Variants in KANK1 observed in about 807,000 individuals in gnomAD.
KANK1 encodes KN motif and ankyrin repeat domains 1, also known as KN motif and ankyrin repeat domain-containing protein 1.
In KANK1, 109 loss-of-function variants were observed where a neutral mutation model predicts 106.2. The ratio of observed to expected loss-of-function variants is 1.03; its 90% CI spans 0.88 to 1.20. The LOEUF (loss-of-function observed/expected upper bound fraction) is 1.20. Among genes scored for constraint, KANK1 ranks in the 50% most tolerant of loss-of-function variants. The probability of loss-of-function intolerance (pLI) is 0.00; values close to 1 mark genes in which losing one functional copy is unlikely to be tolerated. For missense variants in KANK1, 2,399 were observed against 1,710.7 expected (o/e 1.40, Z -7.10); for synonymous variants, 873 against 652.2 (o/e 1.34, Z -5.16).
intron 3 of KANK1, among the ~76,000 whole-genome samples, chr9:715,806 A>T (rs1324734864): frequency 1.3e-5 from 2 of 152,186 alleles, no homozygotes; most frequent in Non-Finnish European, 1.5e-5. Flanking sequence ...TCTAATGAGG[A>T]ATTAATTAGG....
intron 1 of KANK1, among the ~76,000 whole-genome samples, chr9:612,859 C>T (rs981864626): frequency 6.6e-6 from 1 of 152,086 alleles, no homozygotes; most frequent in South Asian, 2.1e-4. Context: ...TAGTAAGAGA[C>T]CCTAAGAGTC....
At chr9:543,057 G>C (rs1008985210) in intron 1 of KANK1, among the ~76,000 whole-genome samples, 1 of 151,980 alleles carries the variant, frequency 6.6e-6, no homozygotes, top group Non-Finnish European at 1.5e-5. Flanking sequence ...GTGCGAGGTG[G>C]GTATGTTAAT....
chr9:554,428 C>CATCCATAT (rs1249571814), intron 1 of KANK1, among the ~76,000 whole-genome samples: 3 of 152,198 alleles, frequency 2.0e-5, no homozygotes, highest in Non-Finnish European at 4.4e-5. Flanking sequence ...CACTGATGAG[C>CATCCATAT]ATCCATGTTG....
intron 9 of KANK1, among the ~76,000 whole-genome samples, chr9:741,634 C>A (rs974352218): frequency 1.3e-5 from 2 of 151,806 alleles, no homozygotes; most frequent in Non-Finnish European, 2.9e-5. Flanking sequence ...ACTACAGGCG[C>A]CCACCCCCAC....
At chr9:623,066 T>C (rs1351674767) in intron 1 of KANK1, among the ~76,000 whole-genome samples, 2 of 151,942 alleles carry the variant, frequency 1.3e-5, no homozygotes, top group East Asian at 3.9e-4. Flanking sequence ...TGGGACTACA[T>C]CAAGCCAAAA....
intron 1 of KANK1, among the ~76,000 whole-genome samples, chr9:594,663 G>C (rs1356153578): frequency 6.6e-6 from 1 of 151,608 alleles, no homozygotes; most frequent in Non-Finnish European, 1.5e-5. Flanking sequence ...GTGTTTTTTT[G>C]ATTTCCTAAA....
intron 1 of KANK1, among the ~76,000 whole-genome samples, chr9:539,918 TTATTC>T (rs1457616385): frequency 6.6e-6 from 1 of 152,248 alleles, no homozygotes; most frequent in Non-Finnish European, 1.5e-5. Context: ...TTCACTGAGT[TTATTC>T]TAACAATCTT....
intron 1 of KANK1, among the ~76,000 whole-genome samples, chr9:569,620 T>G (rs1160906808): frequency 6.6e-6 from 1 of 152,196 alleles, no homozygotes; most frequent in African/African-American, 2.4e-5. Flanking sequence ...ATTACCCAGT[T>G]TCAGGTATTC....
intron 3 of KANK1, chr9:476,809 G>A (rs1046833410): frequency 6.6e-6 from 1 of 152,144 alleles, no homozygotes; most frequent in Non-Finnish European, 1.5e-5. Flanking sequence ...TTATTTAATG[G>A]ATGTTTTTCT....
At chr9:694,480 T>C (rs773688156) in intron 2 of KANK1, among the ~76,000 whole-genome samples, 1 of 152,312 alleles carries the variant, frequency 6.6e-6, no homozygotes, top group East Asian at 1.9e-4. Context: ...CAGTGGACAT[T>C]AGAGAGCAGC....
intron 9 of KANK1, among the ~76,000 whole-genome samples, chr9:741,523 T>C (rs373042968): frequency 1.1e-4 from 16 of 148,278 alleles, no homozygotes; most frequent in South Asian, 2.2e-4. Context: ...AGTCTCATTC[T>C]GTCACCCAGG....
intron 2 of KANK1, among the ~76,000 whole-genome samples, chr9:683,046 A>G (rs1428053831): frequency 1.3e-5 from 2 of 152,184 alleles, no homozygotes; most frequent in South Asian, 2.1e-4. Flanking sequence ...TGGTCTGGCT[A>G]GAACCCACCT....
intron 1 of KANK1, among the ~76,000 whole-genome samples, chr9:663,413 A>G (rs150532157): frequency 6.0e-4 from 92 of 152,324 alleles, no homozygotes; most frequent in African/African-American, 2.1e-3. Context: ...CCCTAAATCT[A>G]TTACAAACAA....
intron 6 of KANK1, chr9:732,898 T>C (rs1390783925): frequency 7.6e-6 from 2 of 262,114 alleles, no homozygotes; most frequent in Non-Finnish European, 7.3e-6. Context: ...ACTTGCATTG[T>C]TTGAACACCT....
intron 1 of KANK1, among the ~76,000 whole-genome samples, chr9:582,700 A>G (rs1447731167): frequency 6.6e-6 from 1 of 152,212 alleles, no homozygotes; most frequent in Non-Finnish European, 1.5e-5. Context: ...CTTGCACACA[A>G]CTTTAATAAA....
chr9:604,461 C>G (rs1178605327), intron 1 of KANK1, among the ~76,000 whole-genome samples: 1 of 151,770 alleles, frequency 6.6e-6, no homozygotes, highest in East Asian at 1.9e-4. Context: ...TTCACCCTTG[C>G]ACCCATGTCT....
At chr9:554,622 T>A (rs769545681) in intron 1 of KANK1, among the ~76,000 whole-genome samples, 1 of 152,198 alleles carries the variant, frequency 6.6e-6, no homozygotes, top group Non-Finnish European at 1.5e-5. Context: ...ATCAGAATCA[T>A]CTATTTCAGA....
intron 1 of KANK1, among the ~76,000 whole-genome samples, chr9:512,288 A>G (rs929952026): frequency 6.6e-6 from 1 of 150,856 alleles, no homozygotes; most frequent in South Asian, 2.1e-4. Flanking sequence ...AAAACAAGGA[A>G]TTGACTTATT....
intron 1 of KANK1, among the ~76,000 whole-genome samples, chr9:535,733 G>T (rs1440313975): frequency 6.6e-6 from 1 of 152,192 alleles, no homozygotes; most frequent in Non-Finnish European, 1.5e-5. Context: ...TGGTATTTGT[G>T]ATTTCCTGTG....
Sources: gnomAD v4.1 joint callset for allele counts (sites outside exome capture counted in the v4.1 genomes callset) on GRCh38, gnomAD v4.1.1 for gene constraint, MANE v1.5 for transcripts, NCBI Gene and HGNC (gene_info 2026-07-23, HGNC 2026-07-21) for gene names.